Variants in IMMP2L observed in about 807,000 individuals in gnomAD.
The protein encoded by IMMP2L is mitochondrial inner membrane protease subunit 2.
Under a neutral mutation model 19.3 loss-of-function variants are expected in IMMP2L, and 18 were observed. The observed-to-expected ratio is 0.93, with a 90% CI of 0.64 to 1.38. The LOEUF (loss-of-function observed/expected upper bound fraction) is 1.38. Ranked by LOEUF, IMMP2L falls within the 40% of genes most tolerant of loss-of-function variation. The pLI, the probability that IMMP2L is intolerant of heterozygous loss-of-function variation, is 0.00. For synonymous variants in IMMP2L, 76 were observed against 73.0 expected, an observed-to-expected ratio of 1.04 and a Z score of -0.21; for missense variants, 233 against 218.2, an observed-to-expected ratio of 1.07 and a Z score of -0.43.
intron 3 of IMMP2L, among the ~76,000 whole-genome samples, chr7:111,195,955 C>T (rs1464469024): frequency 1.3e-5 from 2 of 152,062 alleles, no homozygotes; most frequent in African/African-American, 2.4e-5. Flanking sequence ...CACCCTCGAA[C>T]TCCTGGGCTC....
chr7:111,069,220 T>C (rs554940244), intron 3 of IMMP2L, among the ~76,000 whole-genome samples: 1 of 152,320 alleles, frequency 6.6e-6, no homozygotes, highest in East Asian at 1.9e-4. Flanking sequence ...CTGCTGGGCA[T>C]GAAGAAGGAT....
At chr7:110,707,190 A>G (rs1407650001) in intron 5 of IMMP2L, among the ~76,000 whole-genome samples, 1 of 64,368 alleles carries the variant, frequency 1.6e-5, no homozygotes, top group Non-Finnish European at 3.0e-5. Context: ...AGAGTGTGAT[A>G]TTCCCCTTCC....
chr7:111,195,047 G>A (rs887646224), intron 3 of IMMP2L, among the ~76,000 whole-genome samples: 8 of 151,988 alleles, frequency 5.3e-5, no homozygotes, highest in Non-Finnish European at 8.8e-5. Flanking sequence ...TCACCATTTA[G>A]TATATTTATT....
At position 111,044,287 on chromosome 7, in the gene IMMP2L, T is replaced by C. The variant is rs372336243; in HGVS notation, c.240-80722A>G. On this transcript the variant is annotated intron_variant, in intron 3 of 5. Transcript: ENST00000405709. ...GAAATTGTACATACTGGGCTGAGCATGGTGGCTCATGCCTGTAATCCCAGA... is the reference window on the plus strand; with the variant it reads ...GAAATTGTACATACTGGGCTGAGCACGGTGGCTCATGCCTGTAATCCCAGA... Among the ~76,000 whole-genome samples the C allele has an allele frequency of 1.6e-4, 25 of 152,282 alleles. No individual in the cohort carries two copies. The East Asian group carries it at 3.5e-3, about 21-fold the overall frequency.
intron 3 of IMMP2L, among the ~76,000 whole-genome samples, chr7:111,195,956 T>C (rs1217560884): frequency 6.6e-6 from 1 of 152,060 alleles, no homozygotes; most frequent in Non-Finnish European, 1.5e-5. Context: ...ACCCTCGAAC[T>C]CCTGGGCTCA....
rs1791180206 is a variant in IMMP2L, at chr7:110,662,792, T to G, written c.*810A>C. On this transcript the variant is annotated 3_prime_UTR_variant, in exon 6 of 6. Transcript: ENST00000405709. ...AATCAAACGTGGCTGATCTGGACTG[T>G]TTTTTCTTCTATTTCACTCAGAACT... Among the ~76,000 whole-genome samples the G allele has an allele frequency of 6.6e-6, 1 of 152,154 alleles. No individual in the cohort carries two copies. The highest frequency in any genetic ancestry group is 2.4e-5 in the African/African-American group (1 of 41,446).
intron 5 of IMMP2L, among the ~76,000 whole-genome samples, chr7:110,881,517 C>T (rs931924651): frequency 6.6e-6 from 1 of 152,070 alleles, no homozygotes; most frequent in Non-Finnish European, 1.5e-5. Flanking sequence ...GCATGTACTA[C>T]AAGCAACAAG....
intron 1 of IMMP2L, among the ~76,000 whole-genome samples, chr7:111,521,764 A>G (rs1021385378): frequency 1.3e-5 from 2 of 152,108 alleles, no homozygotes; most frequent in African/African-American, 4.8e-5. Context: ...TGCTATTATG[A>G]TGAAGTTACT....
At position 110,870,045 on chromosome 7, in the gene IMMP2L, C is replaced by T; in HGVS notation, c.408+16548G>A. On this transcript the variant is annotated intron_variant, in intron 5 of 5. Coordinates refer to ENST00000405709, the MANE Select transcript of IMMP2L (RefSeq NM_032549.4). This position sits in a 1 kb window ranked among gnomAD's most constrained non-coding sequence, Gnocchi z 4.2. ...TTCTACCCCTCCTCCTAGTTTCAGC[C>T]AGCCTGTTCAGCTGACCTATCACAA... 6.6e-6 allele frequency among the ~76,000 whole-genome samples: 1 copy of T among 152,098 alleles called. No homozygotes were observed. The highest frequency in any genetic ancestry group is 1.9e-4 in the East Asian group (1 of 5,176).
rs533897174 is a variant in IMMP2L at position 110,876,592 on chromosome 7, G to A, written c.408+10001C>T. Among the ~76,000 whole-genome samples, 4 of 152,236 alleles carry A rather than the reference G, an allele frequency of 2.6e-5. No individual in the cohort carries two copies. The South Asian group carries it at 8.3e-4, about 32-fold the overall frequency. The stretch of plus-strand genomic sequence containing the variant: ...CTGGTGAATTTCTCTGACAGATGTG[G>A]TGAGTTAATACGAGGGAGCAGAATC... On this transcript the variant is annotated intron_variant, in intron 5 of 5. Transcript: ENST00000405709.
At chr7:110,888,040 T>C (rs775096679) in intron 4 of IMMP2L, among the ~76,000 whole-genome samples, 4 of 152,182 alleles carry the variant, frequency 2.6e-5, no homozygotes, top group Admixed American at 2.6e-4. Flanking sequence ...ATTTTCAAGA[T>C]AATTTCAGTG....
chr7:111,051,113 G>C (rs754983335), intron 3 of IMMP2L, among the ~76,000 whole-genome samples: 3 of 152,068 alleles, frequency 2.0e-5, no homozygotes, highest in Admixed American at 6.5e-5. Context: ...ACTCCAGCCT[G>C]GTCAACAGAG....
intron 3 of IMMP2L, among the ~76,000 whole-genome samples, chr7:111,292,411 T>C (rs998594497): frequency 4.6e-5 from 7 of 152,082 alleles, no homozygotes; most frequent in African/African-American, 1.4e-4. Context: ...TTCCTCCCTA[T>C]GTGAATTACC....
intron 5 of IMMP2L, among the ~76,000 whole-genome samples, chr7:110,799,287 G>A (rs1801081947): frequency 6.6e-6 from 1 of 151,806 alleles, no homozygotes; most frequent in African/African-American, 2.4e-5. Context: ...AAATTTGAGG[G>A]TGCTAAAACC....
At chr7:110,730,880 T>C (rs1796230086) in intron 5 of IMMP2L, among the ~76,000 whole-genome samples, 1 of 152,202 alleles carries the variant, frequency 6.6e-6, no homozygotes, top group African/African-American at 2.4e-5. Flanking sequence ...GACTTCACCT[T>C]GTGATCGTGT....
chr7:111,357,083 A>G (rs2130944461), intron 3 of IMMP2L, among the ~76,000 whole-genome samples: 1 of 152,278 alleles, frequency 6.6e-6, no homozygotes, highest in South Asian at 2.1e-4. Context: ...TACTTTATAA[A>G]CTACAAACTC....
At chr7:111,561,778 T>A (rs968737861) in intron 1 of IMMP2L, 73 bp downstream of exon 1, 3 of 152,694 alleles carry the variant, frequency 2.0e-5, no homozygotes, top group Admixed American at 2.0e-4. Flanking sequence ...TCTGGACATC[T>A]AGCCCTTCTC....
At chr7:110,913,047 A>G (rs1233416197) in intron 4 of IMMP2L, among the ~76,000 whole-genome samples, 2 of 152,156 alleles carry the variant, frequency 1.3e-5, no homozygotes, top group African/African-American at 4.8e-5. Flanking sequence ...TGGGAACAAT[A>G]AACTTTGGAG....
intron 5 of IMMP2L, among the ~76,000 whole-genome samples, chr7:110,829,602 AC>A (rs1333015200): frequency 2.0e-5 from 3 of 152,202 alleles, no homozygotes; most frequent in Non-Finnish European, 4.4e-5. Context: ...AAACAAAAAA[AC>A]AAAAAAAGAG....
Sources: allele counts gnomAD v4.1 joint callset (sites outside exome capture counted in the v4.1 genomes callset), GRCh38; gene constraint gnomAD v4.1.1; non-coding constraint Gnocchi (gnomAD v3.1); transcripts MANE v1.5; gene names NCBI Gene and HGNC (gene_info 2026-07-23, HGNC 2026-07-21).